The following DPYS variants were observed in gnomAD, a reference collection of about 807,000 sequenced individuals.
DPYS encodes the protein dihydropyrimidine amidohydrolase.
A neutral mutation model predicts 50.3 loss-of-function variants in DPYS; 39 were observed. The ratio of observed to expected loss-of-function variants is 0.78; its 90% confidence interval spans 0.60 to 1.01. The LOEUF (loss-of-function observed/expected upper bound fraction) is 1.01. Ranked by LOEUF, DPYS falls within the 50% of genes least tolerant of loss-of-function variation. The pLI, the probability that DPYS is intolerant of heterozygous loss-of-function variation, is 0.00. For synonymous variants in DPYS, 245 were observed against 250.7 expected, an observed-to-expected ratio of 0.98 and a Z score of 0.22; for missense variants, 659 against 680.9, an observed-to-expected ratio of 0.97 and a Z score of 0.36.
chr8:104,432,817 T>A (rs1357046281), intron 4 of DPYS, among the ~76,000 whole-genome samples: 1 of 152,208 alleles, frequency 6.6e-6, no homozygotes, highest in Non-Finnish European at 1.5e-5. Flanking sequence ...AATTAATGTT[T>A]ATGAAAGTAC....
chr8:104,434,005 G>A (rs1471267832), intron 4 of DPYS, among the ~76,000 whole-genome samples: 2 of 152,172 alleles, frequency 1.3e-5, no homozygotes, highest in Admixed American at 6.5e-5. Context: ...ACAGCCCTCA[G>A]GAGATCTTGA....
intron 7 of DPYS, among the ~76,000 whole-genome samples, chr8:104,395,316 T>C (rs1811540640): frequency 6.6e-6 from 1 of 152,234 alleles, no homozygotes; most frequent in African/African-American, 2.4e-5. Flanking sequence ...TGGATCTTTT[T>C]ATATTTTTTA....
chr8:104,383,228 G>T (rs2140500690), intron 8 of DPYS, among the ~76,000 whole-genome samples: 1 of 152,318 alleles, frequency 6.6e-6, no homozygotes, highest in Admixed American at 6.5e-5. Flanking sequence ...CCATGCTTTT[G>T]CATGGGCTGG....
At chr8:104,395,712 T>C (rs765558244) in intron 7 of DPYS, among the ~76,000 whole-genome samples, 9 of 152,194 alleles carry the variant, frequency 5.9e-5, no homozygotes, top group Non-Finnish European at 1.2e-4. Flanking sequence ...GCCATTTGGG[T>C]TGTTTCTAAA....
intron 1 of DPYS, among the ~76,000 whole-genome samples, chr8:104,466,450 G>A (rs562997435): frequency 9.8e-5 from 15 of 152,304 alleles, no homozygotes; most frequent in Middle Eastern, 3.4e-3. Flanking sequence ...CTGCTCGGCT[G>A]CCGCCGAGAA....
At chr8:104,387,591 C>G (rs1811251711) in intron 8 of DPYS, among the ~76,000 whole-genome samples, 1 of 152,158 alleles carries the variant, frequency 6.6e-6, no homozygotes, top group Admixed American at 6.5e-5. Flanking sequence ...TGGAGGTAGA[C>G]AAACCTGGGT....
At chr8:104,408,401 T>C (rs1812066534) in intron 7 of DPYS, among the ~76,000 whole-genome samples, 1 of 152,138 alleles carries the variant, frequency 6.6e-6, no homozygotes, top group Non-Finnish European at 1.5e-5. Flanking sequence ...TATTTCTCCA[T>C]AAGAAAAAAA....
intron 7 of DPYS, among the ~76,000 whole-genome samples, chr8:104,408,189 C>T (rs1289396177): frequency 6.6e-6 from 1 of 152,204 alleles, no homozygotes; most frequent in African/African-American, 2.4e-5. Context: ...TCTGACATAC[C>T]TTAGTGAACA....
chr8:104,452,702 A>G lies in DPYS; in HGVS notation c.265-1298T>C, dbSNP rs551025682. The stretch of plus-strand genomic sequence containing the variant: ...TACAAAAATGTAAAATTAGCCAGGC[A>G]TGGTGGCATGCGCCTGCAGTCCTAG... On this transcript the variant is annotated intron_variant, in intron 1 of 9. Transcript: ENST00000351513. Among the ~76,000 whole-genome samples the G allele has an allele frequency of 3.9e-5, 6 of 152,272 alleles. No individual in the cohort carries two copies. The East Asian group carries it at 9.7e-4, about 25-fold the overall frequency.
intron 1 of DPYS, among the ~76,000 whole-genome samples, chr8:104,464,525 AC>A (rs1417519994): frequency 6.6e-6 from 1 of 152,200 alleles, no homozygotes; most frequent in Non-Finnish European, 1.5e-5. Flanking sequence ...GCAGCTCCCC[AC>A]CTTGCAGGTG....
rs188684497 is a variant in DPYS at position 104,386,369 on chromosome 8, C to T, written c.1444-5055G>A. ...TCAACATGGTGAAACCCCGTCTCTA[C>T]TAAAAATACAAAAATTATCCAGGTG... On this transcript the variant is annotated intron_variant, in intron 8 of 9. Transcript: ENST00000351513. Among the ~76,000 whole-genome samples the T allele has an allele frequency of 3.3e-5, 5 of 151,780 alleles. No individual in the cohort carries two copies. In the East Asian group the frequency reaches 7.9e-4, roughly 24 times the overall value.
intron 1 of DPYS, among the ~76,000 whole-genome samples, chr8:104,463,254 G>T (rs1814234813): frequency 1.3e-5 from 2 of 152,130 alleles, no homozygotes; most frequent in African/African-American, 4.8e-5. Context: ...GGCTATAAAT[G>T]TATGTATTAT....
chr8:104,462,850 T>C lies in DPYS; in HGVS notation c.264+3807A>G, dbSNP rs372848134. Among the ~76,000 whole-genome samples the C allele has an allele frequency of 3.3e-4, 51 of 152,366 alleles. No homozygotes were observed. In the East Asian group the frequency reaches 6.7e-3, roughly 20 times the overall value. On this transcript the variant is annotated intron_variant, in intron 1 of 9. Coordinates refer to ENST00000351513, the MANE Select transcript of DPYS (RefSeq NM_001385.3). ...TCTGAAGACCACTGTACATCTGGTATAGACCAACAAAATGAAATATGATTT... is the reference window on the plus strand; with the variant it reads ...TCTGAAGACCACTGTACATCTGGTACAGACCAACAAAATGAAATATGATTT...
At chr8:104,416,218 G>T (rs577050779) in intron 7 of DPYS, among the ~76,000 whole-genome samples, 1 of 152,172 alleles carries the variant, frequency 6.6e-6, no homozygotes, top group South Asian at 2.1e-4. Flanking sequence ...GTTTGATTTT[G>T]TGTGGATTAG....
At chr8:104,438,053 C>T (rs1484523212) in intron 4 of DPYS, among the ~76,000 whole-genome samples, 2 of 152,118 alleles carry the variant, frequency 1.3e-5, no homozygotes, top group Non-Finnish European at 2.9e-5. Context: ...GACAAGGAAT[C>T]AGAAAATTTA....
chr8:104,381,441 A>G (rs1811034500), intron 8 of DPYS, 127 bp from the exon 9 acceptor site: 1 of 854,200 alleles, frequency 1.2e-6, no homozygotes, highest in Non-Finnish European at 1.9e-6. Flanking sequence ...GTGCCTCCCC[A>G]TCCCCTTGGC....
chr8:104,398,945 T>C (rs1811684542), intron 7 of DPYS, among the ~76,000 whole-genome samples: 1 of 152,172 alleles, frequency 6.6e-6, no homozygotes, highest in African/African-American at 2.4e-5. Flanking sequence ...GGGCCTCATG[T>C]CATCTGATGA....
chr8:104,388,463 C>T (rs1271192038), intron 8 of DPYS, among the ~76,000 whole-genome samples: 1 of 152,144 alleles, frequency 6.6e-6, no homozygotes, highest in Non-Finnish European at 1.5e-5. Flanking sequence ...CACAAAAATT[C>T]AAGAAACGTA....
rs1017258160 is a variant in DPYS at position 104,452,679 on chromosome 8, C to A, written c.265-1275G>T. On this transcript the variant is annotated intron_variant, in intron 1 of 9. Coordinates refer to ENST00000351513, the MANE Select transcript of DPYS (RefSeq NM_001385.3). ...CAACATGGTGAAAACCCCGTCTCTA[C>A]AAAAATGTAAAATTAGCCAGGCATG... Among the ~76,000 whole-genome samples, 228 of 151,904 alleles carry A rather than the reference C, an allele frequency of 1.5e-3. 2 individuals are homozygous for A. Among genetic ancestry groups the A allele is most frequent in the Non-Finnish European group, 7.4e-5 (5 of 67,988 alleles).
Sources: allele counts gnomAD v4.1 joint callset (sites outside exome capture counted in the v4.1 genomes callset), GRCh38; gene constraint gnomAD v4.1.1; transcripts MANE v1.5; gene names NCBI Gene and HGNC (gene_info 2026-07-23, HGNC 2026-07-21).